The following MBD5 variants were observed in gnomAD, a reference collection of about 807,000 sequenced individuals.
MBD5 encodes methyl-CpG-binding domain protein 5.
In MBD5, 13 loss-of-function variants were observed where a neutral mutation model predicts 117.3. The observed-to-expected ratio is 0.11, with a 90% CI of 0.07 to 0.18. The LOEUF (loss-of-function observed/expected upper bound fraction) is 0.18, where lower values mean the gene tolerates loss of function less well. Among genes scored for constraint, MBD5 ranks in the 10% least tolerant of loss-of-function variants. The pLI, the probability that MBD5 is intolerant of heterozygous loss-of-function variation, is 1.00. For synonymous variants in MBD5, 727 were observed against 766.4 expected (o/e 0.95, Z 0.85); for missense variants, 1,879 against 2,093.8 (o/e 0.90, Z 2.00).
At chr2:148,280,142 A>AC (rs71840405) in intron 3 of MBD5, among the ~76,000 whole-genome samples, 225 of 148,252 alleles carry the variant, frequency 1.5e-3, no homozygotes, top group East Asian at 5.5e-3. Flanking sequence ...AAAAAAAAAA[A>AC]AAAAAAAACA....
At chr2:148,125,221 A>T (rs903041285) in intron 1 of MBD5, among the ~76,000 whole-genome samples, 2 of 151,778 alleles carry the variant, frequency 1.3e-5, no homozygotes, top group African/African-American at 2.4e-5. Context: ...ATCTTTCATA[A>T]TTTTTTTAAC....
intron 1 of MBD5, among the ~76,000 whole-genome samples, chr2:148,125,788 A>C (rs1180626744): frequency 1.3e-5 from 2 of 152,242 alleles, no homozygotes; most frequent in Non-Finnish European, 2.9e-5. Flanking sequence ...TAGCTAACAC[A>C]AGGGCTATGG....
Position 148,021,492 on chromosome 2 carries a change from GCTGCTA to G in MBD5, c.-1111_-1106del, listed in dbSNP as rs1053396305. 1.7e-6 allele frequency: 1 copy of G among 576,326 alleles called. No individual in the cohort carries two copies. The highest frequency in any genetic ancestry group is 2.2e-5 in the Admixed American group (1 of 46,286). The allele number at this position is 576,326 out of a possible 1,614,324, so 35.7% of individuals were successfully genotyped here. A position where few individuals can be genotyped will look rare whatever the true frequency, so the allele number is the denominator to read the frequency against. The stretch of plus-strand genomic sequence containing the variant: ...TGCTGCTGCTGCTGTTGCTGCTGCT[GCTGCTA>G]CTGCTGCTGCTGCTACTGCTGCTGC... On this transcript the variant is annotated 5_prime_UTR_variant, in exon 1 of 14. Coordinates refer to ENST00000642680, the MANE Select transcript of MBD5 (RefSeq NM_001378120.1).
chr2:148,441,340 G>A (rs1020582761), intron 4 of MBD5, among the ~76,000 whole-genome samples: 2 of 152,032 alleles, frequency 1.3e-5, no homozygotes, highest in African/African-American at 2.4e-5. Flanking sequence ...CCACCTATGA[G>A]TGAGAACATG....
chr2:148,171,742 A>G (rs1413461424), intron 1 of MBD5, among the ~76,000 whole-genome samples: 1 of 152,246 alleles, frequency 6.6e-6, no homozygotes, highest in Non-Finnish European at 1.5e-5. Flanking sequence ...CCAAAAAACT[A>G]TTAGAATAAA....
chr2:148,201,361 C>A (rs951155019), intron 2 of MBD5, among the ~76,000 whole-genome samples: 2 of 152,232 alleles, frequency 1.3e-5, no homozygotes, highest in East Asian at 3.8e-4. Flanking sequence ...AACACAGGGA[C>A]ACCCAAGCAG....
At chr2:148,029,357 TAGA>T (rs1330031602) in intron 1 of MBD5, among the ~76,000 whole-genome samples, 1 of 152,148 alleles carries the variant, frequency 6.6e-6, no homozygotes, top group Non-Finnish European at 1.5e-5. Flanking sequence ...ATGAATTCTG[TAGA>T]AGGTGTTACT....
At chr2:148,480,043 G>A (rs1681101513) in intron 8 of MBD5, among the ~76,000 whole-genome samples, 2 of 151,500 alleles carry the variant, frequency 1.3e-5, no homozygotes, top group African/African-American at 4.8e-5. Flanking sequence ...AAAGAACAAG[G>A]GTTTTTTTAA....
chr2:148,188,028 G>A (rs972910403), intron 2 of MBD5, among the ~76,000 whole-genome samples: 12 of 152,182 alleles, frequency 7.9e-5, no homozygotes, highest in Admixed American at 7.2e-4. Flanking sequence ...TTGTAGTACA[G>A]GTGGAATATT....
At chr2:148,195,301 GT>G (rs1187174478) in intron 2 of MBD5, among the ~76,000 whole-genome samples, 1 of 152,130 alleles carries the variant, frequency 6.6e-6, no homozygotes, top group Non-Finnish European at 1.5e-5. Context: ...CTGGACAAGT[GT>G]TTTAACAGAG....
chr2:148,338,310 A>G (rs1702848602), intron 3 of MBD5, among the ~76,000 whole-genome samples: 1 of 152,006 alleles, frequency 6.6e-6, no homozygotes, highest in Non-Finnish European at 1.5e-5. Context: ...CATACATTGT[A>G]TTTAGTGGTT....
At chr2:148,229,020 C>T (rs1040260414) in intron 2 of MBD5, among the ~76,000 whole-genome samples, 1 of 151,966 alleles carries the variant, frequency 6.6e-6, no homozygotes, top group African/African-American at 2.4e-5. Flanking sequence ...ATTAGTCTTG[C>T]TAGTGGTCTA....
At chr2:148,324,892 A>G (rs1006834092) in intron 3 of MBD5, among the ~76,000 whole-genome samples, 440 of 152,208 alleles carry the variant, frequency 2.9e-3, no homozygotes, top group Non-Finnish European at 3.8e-3. Flanking sequence ...GTGGTGAGAG[A>G]GGGAATCCCT....
intron 3 of MBD5, among the ~76,000 whole-genome samples, chr2:148,314,081 A>G (rs1203441883): frequency 1.3e-5 from 2 of 151,802 alleles, no homozygotes; most frequent in South Asian, 2.1e-4. Flanking sequence ...AGCTATTCCT[A>G]TTCGGTCATC....
intron 4 of MBD5, among the ~76,000 whole-genome samples, chr2:148,363,097 A>C (rs998124164): frequency 6.6e-6 from 1 of 151,908 alleles, no homozygotes; most frequent in African/African-American, 2.4e-5. Context: ...AGTGATCACA[A>C]CTCCTTGCCA....
intron 1 of MBD5, among the ~76,000 whole-genome samples, chr2:148,151,936 T>A (rs1455085020): frequency 2.0e-5 from 3 of 151,974 alleles, no homozygotes; most frequent in Admixed American, 2.0e-4. Flanking sequence ...GTGTCTCTCT[T>A]TCCTTCAGTT....
intron 3 of MBD5, among the ~76,000 whole-genome samples, chr2:148,309,036 A>T (rs571448285): frequency 6.6e-6 from 1 of 152,232 alleles, no homozygotes; most frequent in East Asian, 1.9e-4. Context: ...TACCAGTATC[A>T]TGCTGTTTTG....
intron 1 of MBD5, among the ~76,000 whole-genome samples, chr2:148,172,682 A>G (rs1002183847): frequency 6.6e-6 from 1 of 152,154 alleles, no homozygotes; most frequent in Non-Finnish European, 1.5e-5. Flanking sequence ...GGAGTCTGCC[A>G]GTCAGAGTGA....
intron 12 of MBD5, chr2:148,503,004 C>T: frequency 5.8e-6 from 1 of 172,582 alleles, no homozygotes; most frequent in Non-Finnish European, 1.2e-5. Context: ...GGAATTACAA[C>T]AAGAAGTTGA....
Sources: allele counts gnomAD v4.1 joint callset (sites outside exome capture counted in the v4.1 genomes callset), GRCh38; gene constraint gnomAD v4.1.1; transcripts MANE v1.5; gene names NCBI Gene and HGNC (gene_info 2026-07-23, HGNC 2026-07-21).